INTS6: variants seen among roughly 807,000 people sequenced by gnomAD.
The protein encoded by INTS6 is integrator complex subunit 6, also known as DEAD box protein.
INTS6 carries 16 observed loss-of-function variants against 104.9 expected under a neutral mutation model. The observed-to-expected ratio is 0.15, with a 90% CI of 0.10 to 0.23. The LOEUF (loss-of-function observed/expected upper bound fraction) is 0.23, where lower values mean the gene tolerates loss of function less well. Among genes scored for constraint, INTS6 ranks in the 10% least tolerant of loss-of-function variants. The probability of loss-of-function intolerance (pLI) is 1.00; values close to 1 mark genes in which losing one functional copy is unlikely to be tolerated. For synonymous variants in INTS6, 324 were observed against 358.7 expected (o/e 0.90, Z 1.09); for missense variants, 584 against 1,062.8 (o/e 0.55, Z 6.26).
chr13:51,354,944 G>A (rs1955456808), intron 3 of INTS6: 1 of 656,834 alleles, frequency 1.5e-6, no homozygotes, highest in African/African-American at 1.8e-5. Flanking sequence ...GGTGGAGCCA[G>A]CCTGACTTCC....
intron 5 of INTS6, 69 bp downstream of exon 5, chr13:51,395,231 T>C (rs1956314228): frequency 7.1e-7 from 1 of 1,415,488 alleles, no homozygotes; most frequent in Admixed American, 2.4e-5. Flanking sequence ...AGCTTTTGAA[T>C]GTACACTTTT....
At chr13:51,450,104 G>A (rs2138177688) in intron 3 of INTS6, 2 of 985,252 alleles carry the variant, frequency 2.0e-6, no homozygotes, top group African/African-American at 3.5e-5. Flanking sequence ...ACAAAACTAG[G>A]GACTGTGGGA....
At chr13:51,418,680 T>A (rs1566237476) in intron 4 of INTS6, among the ~76,000 whole-genome samples, 1 of 152,148 alleles carries the variant, frequency 6.6e-6, no homozygotes, top group East Asian at 1.9e-4. Flanking sequence ...AAATCAAAAC[T>A]TTTTTTTAGC....
rs760321627 is a variant in INTS6, at chr13:51,452,551, C to G, written c.-26G>C. 1 of 1,606,600 alleles carries G rather than the reference C, an allele frequency of 6.2e-7. No individual in the cohort carries two copies. The highest frequency in any genetic ancestry group is 8.5e-7 in the Non-Finnish European group (1 of 1,175,736). On this transcript the variant is annotated 5_prime_UTR_variant, in exon 1 of 18. Transcript: ENST00000311234. The surrounding 1 kb of genome is among the most constrained non-coding windows in gnomAD (Gnocchi z 4.2). ...AGTGCTGGCCGGGGACACCGGGGCC[C>G]GAGGTGGTGGAGAAAGAGGAGATGG...
At chr13:51,394,821 T>C (rs942299233) in intron 5 of INTS6, among the ~76,000 whole-genome samples, 2 of 152,222 alleles carry the variant, frequency 1.3e-5, no homozygotes, top group Admixed American at 6.5e-5. Context: ...CTTGGCATAG[T>C]ACCTACCTAA....
chr13:51,439,034 C>T (rs1952745126), intron 3 of INTS6: 1 of 152,286 alleles, frequency 6.6e-6, no homozygotes, highest in South Asian at 2.1e-4. Flanking sequence ...GTTGTTGTTT[C>T]CTAGTACCTA....
chr13:51,409,021 C>T (rs1452335894), intron 4 of INTS6, among the ~76,000 whole-genome samples: 1 of 152,078 alleles, frequency 6.6e-6, no homozygotes, highest in Non-Finnish European at 1.5e-5. Flanking sequence ...ATTTGAGTAT[C>T]ACAGAGTTTG....
At chr13:51,380,016 C>T (rs1224325528) in intron 10 of INTS6, among the ~76,000 whole-genome samples, 1 of 152,052 alleles carries the variant, frequency 6.6e-6, no homozygotes, top group Non-Finnish European at 1.5e-5. Flanking sequence ...CTCTCTGGCT[C>T]TCTGTGGCTT....
At chr13:51,348,128 T>C in the INTS6 span, 60 of 1,071,654 alleles carry the variant, frequency 5.6e-5, no homozygotes, top group Non-Finnish European at 8.2e-5. Context: ...TCCAGTCCTC[T>C]GAGCCAGCCT....
chr13:51,368,079 A>G (rs1955728851), intron 16 of INTS6, among the ~76,000 whole-genome samples, 181 bp from the exon 17 acceptor site: 1 of 152,158 alleles, frequency 6.6e-6, no homozygotes, highest in South Asian at 2.1e-4. Context: ...GTACACAGCA[A>G]CAAAGATAAA....
intron 17 of INTS6, among the ~76,000 whole-genome samples, chr13:51,367,275 T>TCC (rs1177861156): frequency 6.6e-6 from 1 of 151,986 alleles, no homozygotes; most frequent in African/African-American, 2.4e-5. Context: ...ACCATCCATT[T>TCC]CCCCGCCTCC....
chr13:51,375,985 T>C, intron 13 of INTS6, 63 bp downstream of exon 13: 1 of 1,353,414 alleles, frequency 7.4e-7, no homozygotes, highest in East Asian at 2.4e-5. Flanking sequence ...ATCACCATGC[T>C]ATGCTTTTTC....
At chr13:51,372,308 T>TG (rs1766279302) in intron 15 of INTS6, among the ~76,000 whole-genome samples, 1 of 147,402 alleles carries the variant, frequency 6.8e-6, no homozygotes, top group South Asian at 2.1e-4. Context: ...TTGAACAGTT[T>TG]TTTTTTTTTT....
chr13:51,375,432 A>T (rs988643809), intron 13 of INTS6, among the ~76,000 whole-genome samples: 9 of 151,510 alleles, frequency 5.9e-5, no homozygotes, highest in African/African-American at 1.9e-4. Context: ...AATAAACAGA[A>T]TTTAATTATA....
At position 51,452,632 on chromosome 13, in the gene INTS6, GC is replaced by G; in HGVS notation, c.-108del. The G allele has an allele frequency of 4.0e-6, 6 of 1,514,118 alleles. No individual in the cohort carries two copies. Among genetic ancestry groups the G allele is most frequent in the Admixed American group, 2.2e-5 (1 of 46,170 alleles). The allele number at this position is 1,514,118 out of a possible 1,614,324, so 93.8% of individuals were successfully genotyped here. A position where few individuals can be genotyped will look rare whatever the true frequency, so the allele number is the denominator to read the frequency against. On this transcript the variant is annotated 5_prime_UTR_variant, in exon 1 of 18. Coordinates refer to ENST00000311234, the MANE Select transcript of INTS6 (RefSeq NM_012141.3). The surrounding 1 kb of genome is among the most constrained non-coding windows in gnomAD (Gnocchi z 4.2). ...CCGCTACGCGGGGCGGGGGAGCACG[GC>G]CCCCGGGAGGAAAACACTGTCTGGG...
At chr13:51,400,410 C>T (rs1200856134) in intron 4 of INTS6, among the ~76,000 whole-genome samples, 1 of 152,184 alleles carries the variant, frequency 6.6e-6, no homozygotes, top group Non-Finnish European at 1.5e-5. Context: ...AAGATGCTCT[C>T]CCATGTTTTC....
At chr13:51,429,785 A>AAAAAAAAATATATATATAT (rs1156333077) in intron 4 of INTS6, among the ~76,000 whole-genome samples, 2 of 92,378 alleles carry the variant, frequency 2.2e-5, no homozygotes, top group Admixed American at 1.4e-4. Flanking sequence ...AAAAAAAAAA[A>AAAAAAAAATATATATATAT]ATATATATAT....
At chr13:51,398,482 T>C (rs528436575) in intron 4 of INTS6, among the ~76,000 whole-genome samples, 4 of 152,170 alleles carry the variant, frequency 2.6e-5, no homozygotes, top group African/African-American at 9.6e-5. Flanking sequence ...AGTTAACAGA[T>C]AACACAAATT....
intron 15 of INTS6, 91 bp downstream of exon 15, chr13:51,374,113 TAATC>T: frequency 1.1e-6 from 1 of 943,120 alleles, no homozygotes; most frequent in Admixed American, 2.1e-5. Context: ...ATTGTACTAC[TAATC>T]AATTTCCTTC....
Sources: gnomAD v4.1 joint callset for allele counts (sites outside exome capture counted in the v4.1 genomes callset) on GRCh38, gnomAD v4.1.1 for gene constraint, Gnocchi (gnomAD v3.1) non-coding constraint, MANE v1.5 for transcripts, NCBI Gene and HGNC (gene_info 2026-07-23, HGNC 2026-07-21) for gene names.